The following C12orf42 variants were observed in gnomAD, a reference collection of about 807,000 sequenced individuals.
The protein encoded by C12orf42 is chromosome 12 open reading frame 42.
C12orf42 carries 25 observed loss-of-function variants against 21.6 expected under a neutral mutation model. The ratio of observed to expected loss-of-function variants is 1.16; its 90% CI spans 0.84 to 1.62. The LOEUF (loss-of-function observed/expected upper bound fraction) is 1.62. Among genes scored for constraint, C12orf42 ranks in the 40% most tolerant of loss-of-function variants. The pLI, the probability that C12orf42 is intolerant of heterozygous loss-of-function variation, is 0.00. For missense variants in C12orf42, 483 were observed against 459.3 expected (o/e 1.05, Z -0.47); for synonymous variants, 174 against 175.0 (o/e 0.99, Z 0.05).
chr12:103,427,198 T>C (rs911550847), intron 2 of C12orf42, among the ~76,000 whole-genome samples: 19 of 151,400 alleles, frequency 1.3e-4, no homozygotes, highest in Non-Finnish European at 2.4e-4. Flanking sequence ...ATCAGTGTGC[T>C]GTATTCAGAA....
the C12orf42 span, among the ~76,000 whole-genome samples, chr12:103,061,767 T>C: frequency 6.6e-6 from 1 of 151,932 alleles, no homozygotes; most frequent in South Asian, 2.1e-4. Context: ...ATCAAAGAGG[T>C]ATCTCTTATA....
At chr12:103,483,916 GT>G (rs1421116880) in intron 1 of C12orf42, among the ~76,000 whole-genome samples, 3 of 152,056 alleles carry the variant, frequency 2.0e-5, no homozygotes, top group African/African-American at 4.8e-5. Context: ...GCAGTGTTTG[GT>G]TTTCTGTCCT....
chr12:103,199,417 T>A, the C12orf42 span, among the ~76,000 whole-genome samples: 1 of 152,152 alleles, frequency 6.6e-6, no homozygotes, highest in African/African-American at 2.4e-5. Flanking sequence ...TGGCAATAAT[T>A]TTTTTGGATA....
At chr12:103,189,816 C>A in the C12orf42 span, among the ~76,000 whole-genome samples, 1 of 152,306 alleles carries the variant, frequency 6.6e-6, no homozygotes, top group Non-Finnish European at 1.5e-5. Flanking sequence ...GCAGCAGGGC[C>A]ACCCACAATC....
chr12:103,486,654 T>C (rs766404148), intron 1 of C12orf42, among the ~76,000 whole-genome samples: 3 of 152,208 alleles, frequency 2.0e-5, no homozygotes, highest in Admixed American at 6.5e-5. Context: ...TATTGGTCTA[T>C]TCAGAGATTC....
intron 4 of C12orf42, among the ~76,000 whole-genome samples, chr12:103,347,539 A>G (rs2042738399): frequency 6.6e-6 from 1 of 152,186 alleles, no homozygotes; most frequent in East Asian, 1.9e-4. Context: ...AGACAAGGTT[A>G]CATGGCAAAA....
At chr12:103,507,465 T>C in the C12orf42 span, among the ~76,000 whole-genome samples, 18 of 143,920 alleles carry the variant, frequency 1.3e-4, no homozygotes, top group African/African-American at 4.7e-4. Flanking sequence ...AGGCTAGGAT[T>C]TCAAGACCAG....
intron 3 of C12orf42, among the ~76,000 whole-genome samples, chr12:103,379,310 C>T (rs1013563199): frequency 4.6e-5 from 7 of 152,108 alleles, no homozygotes; most frequent in Non-Finnish European, 1.0e-4. Context: ...TATCTGCCTC[C>T]CTCAGACACC....
At chr12:103,083,949 T>C in the C12orf42 span, among the ~76,000 whole-genome samples, 2 of 152,198 alleles carry the variant, frequency 1.3e-5, no homozygotes, top group African/African-American at 2.4e-5. Flanking sequence ...AAAATTCATA[T>C]AGTGTTGTAC....
At chr12:103,458,837 C>T (rs967068800) in intron 2 of C12orf42, among the ~76,000 whole-genome samples, 2 of 151,912 alleles carry the variant, frequency 1.3e-5, no homozygotes, top group African/African-American at 4.8e-5. Context: ...GGATCTCTCA[C>T]AATTTAGGAG....
At chr12:103,209,847 C>T in the C12orf42 span, among the ~76,000 whole-genome samples, 1 of 152,138 alleles carries the variant, frequency 6.6e-6, no homozygotes, top group African/African-American at 2.4e-5. Context: ...GGAGTGTTTT[C>T]TCCATGTTGA....
At chr12:103,132,456 C>G in the C12orf42 span, among the ~76,000 whole-genome samples, 2 of 152,112 alleles carry the variant, frequency 1.3e-5, no homozygotes, top group African/African-American at 4.8e-5. Context: ...TCATAACTAA[C>G]ATAGGGAGTT....
chr12:103,135,315 G>A, the C12orf42 span, among the ~76,000 whole-genome samples: 6 of 151,908 alleles, frequency 3.9e-5, no homozygotes, highest in South Asian at 2.1e-4. Context: ...AAAATTAGCC[G>A]GGCATGGTGG....
At chr12:103,298,884 A>T (rs2037473461), downstream of C12orf42, among the ~76,000 whole-genome samples, 1 of 152,184 alleles carries the variant, frequency 6.6e-6, no homozygotes, top group African/African-American at 2.4e-5. Flanking sequence ...TGTTGCTTCA[A>T]ATAAAAAGAA....
intron 2 of C12orf42, among the ~76,000 whole-genome samples, chr12:103,411,658 A>G (rs2048856646): frequency 1.3e-5 from 2 of 152,162 alleles, no homozygotes; most frequent in South Asian, 4.1e-4. Context: ...CATGGGAGGA[A>G]CACAGAAAGA....
At chr12:103,359,367 T>C (rs946074020) in intron 4 of C12orf42, among the ~76,000 whole-genome samples, 1 of 152,046 alleles carries the variant, frequency 6.6e-6, no homozygotes, top group Non-Finnish European at 1.5e-5. Context: ...GAACATTTCA[T>C]CACCTCAATG....
At chr12:103,245,629 CGAA>C (rs1165831353) in intron 10 of C12orf42, among the ~76,000 whole-genome samples, 1 of 152,116 alleles carries the variant, frequency 6.6e-6, no homozygotes, top group African/African-American at 2.4e-5. Context: ...GGAGCTGCCA[CGAA>C]GATTACTAAT....
chr12:103,202,755 C>T, the C12orf42 span, among the ~76,000 whole-genome samples: 1 of 152,170 alleles, frequency 6.6e-6, no homozygotes, highest in Non-Finnish European at 1.5e-5. Context: ...CTTCCTTCAA[C>T]TTAGCTTTCA....
At chr12:103,539,362 CT>C in the C12orf42 span, among the ~76,000 whole-genome samples, 67,543 of 149,180 alleles carry the variant, frequency 0.45, 15,711 homozygotes, top group Non-Finnish European at 0.53. Context: ...ATGCTTGGTT[CT>C]TTTTTTTTTA....
Sources: allele counts gnomAD v4.1 joint callset (sites outside exome capture counted in the v4.1 genomes callset), GRCh38; gene constraint gnomAD v4.1.1; transcripts MANE v1.5; gene names NCBI Gene and HGNC (gene_info 2026-07-23, HGNC 2026-07-21).